Variants in INSC observed in about 807,000 individuals in gnomAD.
The protein encoded by INSC is protein inscuteable homolog.
Under a neutral mutation model 58.6 loss-of-function variants are expected in INSC, and 67 were observed. The ratio of observed to expected loss-of-function variants is 1.14; its 90% CI spans 0.94 to 1.40. The LOEUF is 1.40. Among genes scored for constraint, INSC ranks in the 40% most tolerant of loss-of-function variants. INSC has a pLI of 0.00. For synonymous variants in INSC, 262 were observed against 276.1 expected (o/e 0.95, Z 0.51); for missense variants, 714 against 692.0 (o/e 1.03, Z -0.36).
At chr11:15,125,409 G>A (rs866287169) in intron 1 of INSC, among the ~76,000 whole-genome samples, 5 of 152,116 alleles carry the variant, frequency 3.3e-5, no homozygotes, top group Non-Finnish European at 5.9e-5. Context: ...GAAAAATTTC[G>A]AAGAGAGAAA....
chr11:15,146,693 T>C (rs1002192325), intron 1 of INSC, among the ~76,000 whole-genome samples: 1 of 152,250 alleles, frequency 6.6e-6, no homozygotes, highest in African/African-American at 2.4e-5. Flanking sequence ...GTGTTCTAGC[T>C]GGCTTCTTGT....
At chr11:15,247,492 T>G (rs553691260), downstream of INSC, among the ~76,000 whole-genome samples, 57 of 152,194 alleles carry the variant, frequency 3.7e-4, 1 homozygote, top group South Asian at 0.01. Context: ...TGATGATGAT[T>G]ATTATTATTA....
At chr11:15,112,594 G>C (rs776372874), upstream of INSC, 202 of 111,882 alleles carry the variant, frequency 1.8e-3, no homozygotes, top group Middle Eastern at 3.3e-3. Context: ...GGATGTGAGT[G>C]TGTGTGTGTG....
At chr11:15,248,875 G>A (rs1226828450), downstream of INSC, among the ~76,000 whole-genome samples, 1 of 152,174 alleles carries the variant, frequency 6.6e-6, no homozygotes, top group Non-Finnish European at 1.5e-5. Context: ...AGTTAAGGAA[G>A]CTATTGAGGG....
At chr11:15,166,499 A>T (rs1209902753) in intron 2 of INSC, among the ~76,000 whole-genome samples, 2 of 152,182 alleles carry the variant, frequency 1.3e-5, no homozygotes, top group Non-Finnish European at 2.9e-5. Context: ...CTGACATCCT[A>T]GCCAAAGACA....
chr11:15,176,422 C>G (rs924190839), intron 3 of INSC, among the ~76,000 whole-genome samples: 1 of 152,000 alleles, frequency 6.6e-6, no homozygotes, highest in Non-Finnish European at 1.5e-5. Context: ...TGGACCTCAG[C>G]AAGTTACTTA....
At chr11:15,205,040 T>C (rs988443393) in intron 7 of INSC, among the ~76,000 whole-genome samples, 16 of 152,144 alleles carry the variant, frequency 1.1e-4, no homozygotes, top group African/African-American at 3.9e-4. Context: ...ATTCATTCAC[T>C]CACGGGAAGT....
At chr11:15,113,877 G>A (rs939099535), upstream of INSC, among the ~76,000 whole-genome samples, 8 of 152,146 alleles carry the variant, frequency 5.3e-5, no homozygotes, top group African/African-American at 2.4e-5. Context: ...GTGGGACCTC[G>A]GCGTGGTCGT....
chr11:15,199,241 C>A (rs1485814631), intron 6 of INSC, among the ~76,000 whole-genome samples: 1 of 152,170 alleles, frequency 6.6e-6, no homozygotes, highest in African/African-American at 2.4e-5. Flanking sequence ...AAGTTATGCC[C>A]TTTCACACCA....
At chr11:15,114,123 C>A (rs567424481), upstream of INSC, among the ~76,000 whole-genome samples, 1 of 143,108 alleles carries the variant, frequency 7.0e-6, no homozygotes, top group Non-Finnish European at 1.5e-5. Context: ...ATGGCGGAGG[C>A]GGGGGAGGGG....
At chr11:15,253,744 A>T in the INSC span, among the ~76,000 whole-genome samples, 1 of 152,014 alleles carries the variant, frequency 6.6e-6, no homozygotes, top group South Asian at 2.1e-4. Context: ...TAAAGCCCAT[A>T]GCAGGTGGGA....
rs202203397 is a variant in INSC at position 15,175,957 on chromosome 11, C to T, written c.273C>T (p.Ile91=). 1.7e-3 allele frequency: 2,750 copies of T among 1,613,916 alleles called. 5 individuals are homozygous for T. The highest frequency in any genetic ancestry group is 2.0e-3 in the Non-Finnish European group (2,405 of 1,179,902). Residue 91 remains isoleucine, a synonymous_variant, in exon 3 of 13, where the codon ATC becomes ATT. Transcript: ENST00000379556. ...TCATTAGCACAGAGCTGCGCAGGAT[C>T]GGGCAGAAGCTGGCCCAGGACCGCT... ...GWVISTELRR[I]GQKLAQDRWA...
intron 7 of INSC, among the ~76,000 whole-genome samples, chr11:15,220,157 C>T (rs113006726): frequency 4.3e-4 from 65 of 152,310 alleles, no homozygotes; most frequent in Non-Finnish European, 7.6e-4. Flanking sequence ...ATTAGGCAAA[C>T]GAAATGCAGA....
chr11:15,213,924 A>AGCT (rs1851119585), intron 7 of INSC, among the ~76,000 whole-genome samples: 1 of 152,200 alleles, frequency 6.6e-6, no homozygotes, highest in Non-Finnish European at 1.5e-5. Context: ...TGGAGCTCTC[A>AGCT]GCTCTATCAC....
intron 5 of INSC, among the ~76,000 whole-genome samples, chr11:15,180,128 A>G (rs1792583): frequency 0.57 from 86,460 of 151,720 alleles, 25,176 homozygotes; most frequent in East Asian, 0.93. Flanking sequence ...CATGGTGGCG[A>G]GCACCTGTAG....
the INSC span, among the ~76,000 whole-genome samples, chr11:15,267,894 T>A: frequency 6.6e-6 from 1 of 152,018 alleles, no homozygotes; most frequent in Non-Finnish European, 1.5e-5. Flanking sequence ...TGGGATGTAG[T>A]TAAGTTATTT....
intron 8 of INSC, among the ~76,000 whole-genome samples, chr11:15,222,373 T>C (rs942368102): frequency 1.3e-5 from 2 of 152,224 alleles, no homozygotes; most frequent in Non-Finnish European, 1.5e-5. Flanking sequence ...TTGTATCTAA[T>C]TGAAATGGAA....
intron 2 of INSC, among the ~76,000 whole-genome samples, chr11:15,162,883 T>A (rs1453685961): frequency 6.6e-6 from 1 of 152,138 alleles, no homozygotes; most frequent in African/African-American, 2.4e-5. Flanking sequence ...AGATGTTAGG[T>A]CTATTAGATT....
chr11:15,245,046 T>G (rs1852504886), intron 12 of INSC, among the ~76,000 whole-genome samples: 1 of 152,216 alleles, frequency 6.6e-6, no homozygotes, highest in Non-Finnish European at 1.5e-5. Flanking sequence ...ACCTCTGTGT[T>G]GTCTGCTATA....
Sources: gnomAD v4.1 joint callset for allele counts (sites outside exome capture counted in the v4.1 genomes callset) on GRCh38, gnomAD v4.1.1 for gene constraint, MANE v1.5 for transcripts, NCBI Gene and HGNC (gene_info 2026-07-23, HGNC 2026-07-21) for gene names.